LRRC4C: variants seen among roughly 807,000 people sequenced by gnomAD.
LRRC4C encodes leucine-rich repeat-containing protein 4C.
A neutral mutation model predicts 33.6 loss-of-function variants in LRRC4C; 5 were observed. That is an observed-to-expected ratio of 0.15 (90% CI 0.08 to 0.31). LRRC4C has a LOEUF of 0.31. Among genes scored for constraint, LRRC4C ranks in the 10% least tolerant of loss-of-function variants. The probability of loss-of-function intolerance (pLI) is 1.00; values close to 1 mark genes in which losing one functional copy is unlikely to be tolerated. For synonymous variants in LRRC4C, 329 were observed against 302.0 expected (o/e 1.09, Z -0.93); for missense variants, 560 against 796.7 (o/e 0.70, Z 3.58).
chr11:40,946,352 G>A (rs1265407682), intron 1 of LRRC4C, among the ~76,000 whole-genome samples: 1 of 152,188 alleles, frequency 6.6e-6, no homozygotes, highest in Non-Finnish European at 1.5e-5. Context: ...GGGCACCTAG[G>A]TTGATTCTAT....
At chr11:40,744,191 C>A (rs989840568) in intron 2 of LRRC4C, among the ~76,000 whole-genome samples, 6 of 151,888 alleles carry the variant, frequency 4.0e-5, no homozygotes, top group African/African-American at 1.5e-4. Flanking sequence ...AGATAGATGA[C>A]ACATAATAAA....
At chr11:40,337,654 C>T (rs527836393) in intron 3 of LRRC4C, among the ~76,000 whole-genome samples, 6 of 152,284 alleles carry the variant, frequency 3.9e-5, no homozygotes, top group South Asian at 4.2e-4. Flanking sequence ...CTCCCAGAAG[C>T]GCTTGGGTTT....
At chr11:40,591,045 G>A (rs911227048) in intron 3 of LRRC4C, among the ~76,000 whole-genome samples, 1 of 152,132 alleles carries the variant, frequency 6.6e-6, no homozygotes, top group Non-Finnish European at 1.5e-5. Context: ...ACCTAAGCAC[G>A]CCTGGGCAAT....
intron 1 of LRRC4C, among the ~76,000 whole-genome samples, chr11:41,141,307 GC>G (rs1228854148): frequency 1.3e-5 from 2 of 151,868 alleles, no homozygotes; most frequent in Non-Finnish European, 2.9e-5. Context: ...CAACACCTCT[GC>G]CCTGCTCCCA....
At chr11:40,492,392 C>T (rs529412906) in intron 3 of LRRC4C, among the ~76,000 whole-genome samples, 1 of 152,146 alleles carries the variant, frequency 6.6e-6, no homozygotes, top group South Asian at 2.1e-4. Flanking sequence ...AGTTAATGTG[C>T]TTTTATTTAC....
intron 2 of LRRC4C, among the ~76,000 whole-genome samples, chr11:40,693,423 A>G (rs534532040): frequency 6.6e-6 from 1 of 152,244 alleles, no homozygotes; most frequent in Admixed American, 6.6e-5. Flanking sequence ...ATTGAGTGAA[A>G]TGTGTATCTT....
chr11:40,561,786 A>C (rs973445052), intron 3 of LRRC4C, among the ~76,000 whole-genome samples: 2 of 151,996 alleles, frequency 1.3e-5, no homozygotes, highest in African/African-American at 2.4e-5. Flanking sequence ...TAACAAATTC[A>C]CTCGTACAGA....
In LRRC4C at chr11:40,981,041, T is replaced by A. The variant is rs552291869; in HGVS notation, c.-495-47318A>T. ...CTGAGGAAGCAAAGGCAGAAAGAGA[T>A]TAAATAACATGCCTAAGGTCACACA... is the stretch of plus-strand genomic sequence containing the variant. On this transcript the variant is annotated intron_variant, in intron 1 of 6. Transcript: ENST00000528697. 4.6e-5 allele frequency among the ~76,000 whole-genome samples: 7 copies of A among 152,270 alleles called. No individual in the cohort carries two copies. The South Asian group carries it at 1.2e-3, about 27-fold the overall frequency.
At chr11:40,422,692 C>CAAAA (rs5791380) in intron 3 of LRRC4C, among the ~76,000 whole-genome samples, 1 of 143,602 alleles carries the variant, frequency 7.0e-6, no homozygotes. Flanking sequence ...ACTCATTTTA[C>CAAAA]AAAAAAAAAA....
intron 4 of LRRC4C, among the ~76,000 whole-genome samples, chr11:40,318,576 A>G (rs1945688861): frequency 6.6e-6 from 1 of 152,132 alleles, no homozygotes. Context: ...TATTTTCAAT[A>G]CATTATATTT....
chr11:40,309,056 G>A (rs531329948), intron 4 of LRRC4C, among the ~76,000 whole-genome samples: 6 of 152,216 alleles, frequency 3.9e-5, no homozygotes, highest in Admixed American at 1.3e-4. Flanking sequence ...TTAATGGTTT[G>A]TTCACACCAG....
intron 3 of LRRC4C, among the ~76,000 whole-genome samples, chr11:40,320,073 G>T (rs925012009): frequency 2.0e-5 from 3 of 151,960 alleles, no homozygotes; most frequent in Admixed American, 6.6e-5. Context: ...CACTGGAAAA[G>T]ATTTTTATCT....
At chr11:41,171,066 A>G (rs1944955365) in intron 1 of LRRC4C, among the ~76,000 whole-genome samples, 1 of 152,178 alleles carries the variant, frequency 6.6e-6, no homozygotes, top group East Asian at 1.9e-4. Context: ...ACCATCTCAC[A>G]CCAGTTAGAA....
At chr11:40,259,689 T>C in intron 4 of LRRC4C, among the ~76,000 whole-genome samples, 1 of 152,152 alleles carries the variant, frequency 6.6e-6, no homozygotes, top group Non-Finnish European at 1.5e-5. Context: ...CATTTCTTGT[T>C]TTTCTCAGGT....
At chr11:41,436,158 C>T (rs1276490235) in intron 1 of LRRC4C, among the ~76,000 whole-genome samples, 2 of 152,112 alleles carry the variant, frequency 1.3e-5, no homozygotes, top group Admixed American at 6.5e-5. Context: ...GAGCTGAGAT[C>T]GTGCCACTGC....
intron 3 of LRRC4C, among the ~76,000 whole-genome samples, chr11:40,607,346 G>A (rs1333543524): frequency 3.3e-5 from 5 of 152,128 alleles, no homozygotes; most frequent in Admixed American, 3.3e-4. Flanking sequence ...CTGTTTTCAT[G>A]CTCAAATGTT....
intron 2 of LRRC4C, among the ~76,000 whole-genome samples, chr11:40,725,421 T>C (rs1458015314): frequency 6.6e-6 from 1 of 151,540 alleles, no homozygotes; most frequent in Non-Finnish European, 1.5e-5. Context: ...GGCAGGAGAA[T>C]GGCGTGAACC....
intron 3 of LRRC4C, among the ~76,000 whole-genome samples, chr11:40,471,478 C>T (rs1290770142): frequency 6.6e-6 from 1 of 152,092 alleles, no homozygotes; most frequent in East Asian, 1.9e-4. Context: ...ACTGCATTAA[C>T]TAACAGGCAA....
intron 2 of LRRC4C, among the ~76,000 whole-genome samples, chr11:40,781,112 C>T (rs1192764661): frequency 6.6e-6 from 1 of 151,974 alleles, no homozygotes; most frequent in African/African-American, 2.4e-5. Context: ...TCTAGTCTAC[C>T]AATCCGTACA....
Sources: gnomAD v4.1 joint callset for allele counts (sites outside exome capture counted in the v4.1 genomes callset) on GRCh38, gnomAD v4.1.1 for gene constraint, MANE v1.5 for transcripts, NCBI Gene and HGNC (gene_info 2026-07-23, HGNC 2026-07-21) for gene names.